Variants in TMEM237 observed in about 807,000 individuals in gnomAD.
TMEM237 encodes amyotrophic lateral sclerosis 2 (juvenile) chromosome region, candidate 4.
In TMEM237, 51 loss-of-function variants were observed where a neutral mutation model predicts 59.1. The ratio of observed to expected loss-of-function variants is 0.86; its 90% CI spans 0.69 to 1.09. The LOEUF is 1.09. Among genes scored for constraint, TMEM237 ranks in the 50% least tolerant of loss-of-function variants. The pLI is 0.00. For missense variants in TMEM237, 475 were observed against 478.3 expected (o/e 0.99, Z 0.06); for synonymous variants, 140 against 166.1 (o/e 0.84, Z 1.21).
At position 201,640,281 on chromosome 2, in the gene TMEM237, A is replaced by G. The variant is rs1687388064; in HGVS notation, c.75-16T>C. The G allele has an allele frequency of 1.3e-6, 2 of 1,551,374 alleles. No homozygotes were observed. Among genetic ancestry groups the G allele is most frequent in the Non-Finnish European group, 1.7e-6 (2 of 1,159,676 alleles). On this transcript the variant is annotated splice_polypyrimidine_tract_variant and intron_variant, in intron 2 of 12. Transcript: ENST00000409883. ...CTCACCTTGACTAACACGTCATATA[A>G]CACCAAACAAATTTAATCAGCAGGA...
intron 7 of TMEM237, among the ~76,000 whole-genome samples, chr2:201,630,640 C>T (rs1208631292): frequency 6.6e-6 from 1 of 152,134 alleles, no homozygotes; most frequent in African/African-American, 2.4e-5. Context: ...TGGCCAGTTA[C>T]TCTAGCAGGG....
At chr2:201,626,702 C>T (rs1331242191) in intron 11 of TMEM237, among the ~76,000 whole-genome samples, 1 of 152,138 alleles carries the variant, frequency 6.6e-6, no homozygotes, top group East Asian at 1.9e-4. Flanking sequence ...GCTACTCACT[C>T]CCATCACTGT....
At chr2:201,640,181 C>T in intron 3 of TMEM237, 80 bp downstream of exon 3, 1 of 1,163,466 alleles carries the variant, frequency 8.6e-7, no homozygotes, top group Admixed American at 2.7e-5. Context: ...ACCATTCAGA[C>T]TCAGTTTTAA....
At chr2:201,642,972 A>C in intron 1 of TMEM237, 5 of 1,299,130 alleles carry the variant, frequency 3.8e-6, no homozygotes, top group Non-Finnish European at 4.9e-6. Flanking sequence ...ACCTTAATTA[A>C]AGGACTCCGC....
intron 1 of TMEM237, chr2:201,642,576 C>A (rs371308458): frequency 3.9e-5 from 62 of 1,601,550 alleles, no homozygotes; most frequent in Middle Eastern, 3.3e-4. Context: ...AGACAAAAAT[C>A]CTAACAATTA....
At chr2:201,639,160 C>G in intron 3 of TMEM237, 115 bp from the exon 4 acceptor site, 2 of 965,538 alleles carry the variant, frequency 2.1e-6, no homozygotes, top group Non-Finnish European at 3.1e-6. Flanking sequence ...CTGGGCCTGG[C>G]AAACGTTTAT....
At chr2:201,638,394 T>A (rs1048747283) in intron 4 of TMEM237, 1 of 152,220 alleles carries the variant, frequency 6.6e-6, no homozygotes, top group African/African-American at 2.4e-5. Flanking sequence ...AATGGTAGGT[T>A]CCATTAACAG....
rs564012662 is a variant in TMEM237 at position 201,640,396 on chromosome 2, G to T, written c.75-131C>A. The T allele has an allele frequency of 9.9e-6, 9 of 909,360 alleles. No individual in the cohort carries two copies. In the South Asian group the frequency reaches 1.3e-4, roughly 13 times the overall value. 56.3% of individuals were successfully genotyped at this position (909,360 alleles called of 1,614,324 possible). On this transcript the variant is annotated intron_variant, in intron 2 of 12. Transcript: ENST00000409883. ...TCATTACAAATTTAAAATAAAATTA[G>T]CTTTCACATAATAGCTAGTTTACAA...
At chr2:201,627,057 G>GT (rs1957765568) in intron 11 of TMEM237, among the ~76,000 whole-genome samples, 1 of 151,360 alleles carries the variant, frequency 6.6e-6, no homozygotes, top group African/African-American at 2.4e-5. Context: ...TCCAGCATGG[G>GT]TGACACAGCG....
Position 201,639,054 on chromosome 2 carries a change from C to G in TMEM237, c.80-9G>C. 1 of 1,570,358 alleles carries G rather than the reference C, an allele frequency of 6.4e-7. No individual in the cohort carries two copies. Among genetic ancestry groups the G allele is most frequent in the Admixed American group, 1.9e-5 (1 of 52,582 alleles). On this transcript the variant is annotated splice_polypyrimidine_tract_variant and intron_variant, in intron 3 of 12. Transcript: ENST00000409883. The stretch of plus-strand genomic sequence containing the variant: ...ACTAAGTGGAATATCATCTATAAAG[C>G]AAGAAAAAACGTCAACAGAAAAGGG...
Position 201,643,274 on chromosome 2 carries a change from G to GGGCCCCCC in TMEM237, c.42+84_42+85insGGGGGGCC. The GGGCCCCCC allele has an allele frequency of 1.7e-6, 2 of 1,206,760 alleles. No individual in the cohort carries two copies. Among genetic ancestry groups the GGGCCCCCC allele is most frequent in the Non-Finnish European group, 1.2e-6 (1 of 849,320 alleles). The allele number at this position is 1,206,760 out of a possible 1,614,324, so 74.8% of individuals were successfully genotyped here. A position where few individuals can be genotyped will look rare whatever the true frequency, so the allele number is the denominator to read the frequency against. ...CCTTAGTGATTCCCAGCTCGTTGGCGCCCCCCCACACACACCCACCCCCAC... is the reference window on the plus strand; with the variant it reads ...CCTTAGTGATTCCCAGCTCGTTGGCGGGCCCCCCCCCCCCCACACACACCCACCCCCAC... On this transcript the variant is annotated intron_variant, in intron 1 of 12. Transcript: ENST00000409883. The surrounding 1 kb of genome is among the most constrained non-coding windows in gnomAD (Gnocchi z 4.3).
chr2:201,632,004 G>A (rs372366012), intron 7 of TMEM237, 47 bp downstream of exon 7: 5 of 1,592,982 alleles, frequency 3.1e-6, no homozygotes, highest in East Asian at 4.5e-5. Context: ...GGATATCCTT[G>A]GACAATTTTT....
rs749330370 is a variant in TMEM237, at chr2:201,629,741, T to C, written c.665A>G (p.His222Arg). ...WTTRDVALTV[H>R]RAFRMIGLFS... is the part of the protein sequence containing the mutation. ...CAAAAGCAGCCACCTGAAAGCCCGG[T>C]GCACTGTAAGTGCCACATCTCTGGT... is the stretch of plus-strand genomic sequence containing the variant. The change falls in exon 8 of 13, where the codon CAC (histidine) becomes CGC (arginine). Residue 222 changes from histidine (H) to arginine (R), a missense_variant. Coordinates refer to ENST00000409883, the MANE Select transcript of TMEM237 (RefSeq NM_001044385.3). 6.8e-6 allele frequency: 11 copies of C among 1,609,758 alleles called. No homozygotes were observed. In the Admixed American group the frequency reaches 1.5e-4, roughly 22 times the overall value.
chr2:201,640,302 C>G (rs1196824821), intron 2 of TMEM237, 37 bp from the exon 3 acceptor site: 1 of 1,539,600 alleles, frequency 6.5e-7, no homozygotes, highest in East Asian at 2.4e-5. Flanking sequence ...ATTTAATCAG[C>G]AGGACAAAGA....
At chr2:201,638,153 C>T (rs78210161) in intron 4 of TMEM237, among the ~76,000 whole-genome samples, 333 of 152,284 alleles carry the variant, frequency 2.2e-3, no homozygotes, top group African/African-American at 7.8e-3. Flanking sequence ...ATGGTACATT[C>T]TTATCATGTA....
Position 201,640,670 on chromosome 2 carries a change from T to C in TMEM237, c.74+223A>G, listed in dbSNP as rs537774387. On this transcript the variant is annotated intron_variant, in intron 2 of 12. Transcript: ENST00000409883. ...AGTTAGAAAGGGAATGGATCCATTA[T>C]CCTACCATGTTGATATTCAGGCTTT... Among the ~76,000 whole-genome samples the C allele has an allele frequency of 5.9e-5, 9 of 152,190 alleles. No individual in the cohort carries two copies. In the East Asian group the frequency reaches 1.7e-3, roughly 29 times the overall value.
Position 201,622,365 on chromosome 2 carries a change from C to T in TMEM237, c.*1890G>A, listed in dbSNP as rs191383267. Reference sequence around the variant, plus strand: ...GTCAAAAGTATGACATGGGCAGCACCAGGCCAAAACCAAGGTATCCACAGA... The same window carrying T: ...GTCAAAAGTATGACATGGGCAGCACTAGGCCAAAACCAAGGTATCCACAGA... On this transcript the variant is annotated 3_prime_UTR_variant, in exon 13 of 13. Transcript: ENST00000409883. 1 of 152,376 alleles carries T rather than the reference C, an allele frequency of 6.6e-6. No individual in the cohort carries two copies. Among genetic ancestry groups the T allele is most frequent in the East Asian group, 1.9e-4 (1 of 5,180 alleles). The allele number at this position is 152,376 out of a possible 1,614,324, so 9.4% of individuals were successfully genotyped here. A position where few individuals can be genotyped will look rare whatever the true frequency, so the allele number is the denominator to read the frequency against.
intron 1 of TMEM237, 23 bp from the exon 2 acceptor site, chr2:201,640,947 G>C (rs1029805964): frequency 5.6e-6 from 9 of 1,599,892 alleles, no homozygotes; most frequent in African/African-American, 1.3e-5. Context: ...AAATAAATTT[G>C]CTTGTAAGTA....
Position 201,629,758 on chromosome 2 carries a change from A to T in TMEM237, c.648T>A (p.Asp216Glu), listed in dbSNP as rs1957792555. ...MDVKPSWTTR[D>E]VALTVHRAFR... is the part of the protein sequence containing the mutation. ...AAGCCCGGTGCACTGTAAGTGCCAC[A>T]TCTCTGGTGGTCCAGGAAGGCTTCA... The change falls in exon 8 of 13, where the codon GAT (aspartate) becomes GAA (glutamate). Residue 216 changes from aspartate to glutamate, a missense_variant. Coordinates refer to ENST00000409883, the MANE Select transcript of TMEM237 (RefSeq NM_001044385.3). The T allele has an allele frequency of 1.9e-6, 3 of 1,613,370 alleles. No individual in the cohort carries two copies. Among genetic ancestry groups the T allele is most frequent in the African/African-American group, 2.7e-5 (2 of 75,036 alleles).
Sources: gnomAD v4.1 joint callset for allele counts (sites outside exome capture counted in the v4.1 genomes callset) on GRCh38, gnomAD v4.1.1 for gene constraint, Gnocchi (gnomAD v3.1) non-coding constraint, MANE v1.5 for transcripts, NCBI Gene and HGNC (gene_info 2026-07-23, HGNC 2026-07-21) for gene names.